The following ARHGEF3 variants were observed in gnomAD, a reference collection of about 807,000 sequenced individuals.
ARHGEF3 encodes Rho guanine nucleotide exchange factor 3.
Under a neutral mutation model 63.2 loss-of-function variants are expected in ARHGEF3, and 28 were observed. The ratio of observed to expected loss-of-function variants is 0.44; its 90% CI spans 0.33 to 0.61. The LOEUF (loss-of-function observed/expected upper bound fraction) is 0.61, where lower values mean the gene tolerates loss of function less well. ARHGEF3 is among the 20% of genes least tolerant of loss of function. The pLI is 0.03. For missense variants in ARHGEF3, 533 were observed against 659.3 expected (o/e 0.81, Z 2.10); for synonymous variants, 266 against 254.2 (o/e 1.05, Z -0.44).
At position 56,735,603 on chromosome 3, in the gene ARHGEF3, G is replaced by C. The variant is rs143499512; in HGVS notation, c.1041+1582C>G. On this transcript the variant is annotated intron_variant, in intron 8 of 9. Coordinates refer to ENST00000296315, the MANE Select transcript of ARHGEF3 (RefSeq NM_019555.3). ...AGATAATAGGCTTACACCCTGTGGA[G>C]CACTGCATTTTCCTATTTCTCATTG... Among the ~76,000 whole-genome samples, 444 of 152,326 alleles carry C rather than the reference G, an allele frequency of 2.9e-3. 5 individuals carry two copies. Among genetic ancestry groups the C allele is most frequent in the African/African-American group, 0.01 (430 of 41,572 alleles).
chr3:56,961,326 T>A (rs1032298510), intron 2 of ARHGEF3, among the ~76,000 whole-genome samples: 1 of 152,162 alleles, frequency 6.6e-6, no homozygotes, highest in Admixed American at 6.5e-5. Flanking sequence ...ATAGATGAGA[T>A]AAACTGAGGC....
chr3:56,884,200 C>T (rs996081106), intron 3 of ARHGEF3, among the ~76,000 whole-genome samples: 1 of 152,104 alleles, frequency 6.6e-6, no homozygotes, highest in African/African-American at 2.4e-5. Context: ...AGCTTCTATT[C>T]TCAAAGGAAG....
At chr3:57,048,353 G>C (rs972556334) in intron 1 of ARHGEF3, among the ~76,000 whole-genome samples, 13 of 152,162 alleles carry the variant, frequency 8.5e-5, no homozygotes, top group Non-Finnish European at 1.8e-4. Context: ...TGACTGCTTG[G>C]GTGGAGGAGA....
At chr3:56,977,070 G>A (rs1394893925) in intron 2 of ARHGEF3, among the ~76,000 whole-genome samples, 1 of 152,118 alleles carries the variant, frequency 6.6e-6, no homozygotes, top group African/African-American at 2.4e-5. Flanking sequence ...AATAAGGGCT[G>A]TAACAGATGA....
chr3:56,974,630 G>C (rs1171702760), intron 2 of ARHGEF3, among the ~76,000 whole-genome samples: 1 of 152,104 alleles, frequency 6.6e-6, no homozygotes, highest in African/African-American at 2.4e-5. Context: ...TCCAGAAGTT[G>C]CTTTTAAAAG....
chr3:57,021,401 G>A (rs182219484), intron 2 of ARHGEF3, among the ~76,000 whole-genome samples: 1 of 152,282 alleles, frequency 6.6e-6, no homozygotes, highest in Admixed American at 6.5e-5. Flanking sequence ...GGAAACATTA[G>A]CGCACTCCCA....
intron 2 of ARHGEF3, among the ~76,000 whole-genome samples, chr3:57,013,297 A>C (rs1408794059): frequency 6.6e-6 from 1 of 152,232 alleles, no homozygotes; most frequent in Admixed American, 6.5e-5. Context: ...CGGCCCTGGC[A>C]TGGGATCCAC....
In ARHGEF3 at chr3:56,853,177, G is replaced by T. The variant is rs2039736739; in HGVS notation, c.192+29115C>A. Among the ~76,000 whole-genome samples the T allele has an allele frequency of 2.0e-5, 3 of 149,656 alleles. No homozygotes were observed. In the South Asian group the frequency reaches 6.2e-4, roughly 31 times the overall value. On this transcript the variant is annotated intron_variant, in intron 4 of 12. Transcript: ENST00000338458. ...GGGGTACAGAGGTAACAGAACAGAG[G>T]ACATGCATTGTTAAAGAAAAATCTG...
At chr3:56,945,123 G>C (rs1249657823) in intron 3 of ARHGEF3, among the ~76,000 whole-genome samples, 3 of 152,122 alleles carry the variant, frequency 2.0e-5, no homozygotes, top group Non-Finnish European at 4.4e-5. Flanking sequence ...CTTATTTTAA[G>C]AAATTGCCAG....
intron 2 of ARHGEF3, among the ~76,000 whole-genome samples, chr3:57,017,032 T>TCTCTCTCTCACACA (rs1221332567): frequency 1.9e-5 from 2 of 104,314 alleles, no homozygotes; most frequent in African/African-American, 7.1e-5. Context: ...TCTCTCTCTC[T>TCTCTCTCTCACACA]CACACACACA....
chr3:56,842,458 T>C (rs1021211021), intron 4 of ARHGEF3, among the ~76,000 whole-genome samples: 2 of 152,222 alleles, frequency 1.3e-5, no homozygotes, highest in African/African-American at 2.4e-5. Flanking sequence ...ATGGAATCCA[T>C]ACTAGCTTCT....
intron 4 of ARHGEF3, among the ~76,000 whole-genome samples, chr3:56,879,977 C>T (rs1318219201): frequency 1.3e-5 from 2 of 152,178 alleles, no homozygotes; most frequent in African/African-American, 4.8e-5. Flanking sequence ...CACATTCCCT[C>T]CATGGCCACA....
chr3:56,985,520 G>A (rs888066437), intron 2 of ARHGEF3, among the ~76,000 whole-genome samples: 1 of 152,214 alleles, frequency 6.6e-6, no homozygotes, highest in African/African-American at 2.4e-5. Flanking sequence ...ATATTCATTC[G>A]CCGCCTCCAC....
At chr3:57,036,325 T>C (rs562157808) in intron 1 of ARHGEF3, among the ~76,000 whole-genome samples, 1 of 152,208 alleles carries the variant, frequency 6.6e-6, no homozygotes, top group Admixed American at 6.5e-5. Flanking sequence ...TAAAATACCA[T>C]TCGGGTGCAT....
chr3:56,908,853 A>G (rs892053822), intron 3 of ARHGEF3, among the ~76,000 whole-genome samples: 3 of 152,186 alleles, frequency 2.0e-5, no homozygotes, highest in Non-Finnish European at 4.4e-5. Context: ...CAATCCCATT[A>G]CTGGGTATAT....
intron 2 of ARHGEF3, among the ~76,000 whole-genome samples, chr3:56,758,365 G>A (rs996658443): frequency 6.6e-5 from 10 of 151,884 alleles, no homozygotes; most frequent in African/African-American, 2.2e-4. Context: ...CAAGGCAGGC[G>A]GATGGCTTGA....
At position 56,801,822 on chromosome 3, in the gene ARHGEF3, G is replaced by T. The variant is rs1184294777; in HGVS notation, c.-24C>A. The T allele has an allele frequency of 1.9e-6, 3 of 1,553,878 alleles. No homozygotes were observed. Among genetic ancestry groups the T allele is most frequent in the African/African-American group, 2.7e-5 (2 of 73,476 alleles). Reference sequence around the variant, plus strand: ...ATGGCGGCTGCCGGGCCTGCCCTTTGGGATGTCACCGCTGACCCTAGGCGA... The same window carrying T: ...ATGGCGGCTGCCGGGCCTGCCCTTTTGGATGTCACCGCTGACCCTAGGCGA... On this transcript the variant is annotated 5_prime_UTR_variant, in exon 1 of 10. Coordinates refer to ENST00000296315, the MANE Select transcript of ARHGEF3 (RefSeq NM_019555.3).
chr3:56,760,282 G>A (rs945781840), intron 2 of ARHGEF3, among the ~76,000 whole-genome samples: 1 of 151,216 alleles, frequency 6.6e-6, no homozygotes, highest in African/African-American at 2.5e-5. Flanking sequence ...CATCAACAAG[G>A]TATTATTATC....
At chr3:56,921,099 T>C (rs11130554) in intron 3 of ARHGEF3, among the ~76,000 whole-genome samples, 38,985 of 143,738 alleles carry the variant, frequency 0.27, 5,694 homozygotes, top group East Asian at 0.47. Context: ...GTGCAGTGGC[T>C]CACACCTGTA....
Sources: allele counts gnomAD v4.1 joint callset (sites outside exome capture counted in the v4.1 genomes callset), GRCh38; gene constraint gnomAD v4.1.1; transcripts MANE v1.5; gene names NCBI Gene and HGNC (gene_info 2026-07-23, HGNC 2026-07-21).